The following PPP2R5E variants were observed in gnomAD, a reference collection of about 807,000 sequenced individuals.
The protein encoded by PPP2R5E is protein phosphatase 2 regulatory subunit B'epsilon, also known as serine/threonine-protein phosphatase 2A 56 kDa regulatory subunit epsilon isoform.
A neutral mutation model predicts 65.3 loss-of-function variants in PPP2R5E; 4 were observed. The ratio of observed to expected loss-of-function variants is 0.06; its 90% confidence interval spans 0.03 to 0.14. The LOEUF is 0.14. PPP2R5E is among the 10% of genes least tolerant of loss of function. PPP2R5E has a pLI of 1.00. For synonymous variants in PPP2R5E, 183 were observed against 187.4 expected (o/e 0.98, Z 0.19); for missense variants, 274 against 556.1 (o/e 0.49, Z 5.10).
At chr14:63,519,990 G>A (rs2139721642) in intron 2 of PPP2R5E, among the ~76,000 whole-genome samples, 1 of 150,474 alleles carries the variant, frequency 6.6e-6, no homozygotes, top group Admixed American at 6.7e-5. Context: ...TCAGTCTTGA[G>A]GATTTGGCCC....
chr14:63,393,405 C>G (rs1261032697), intron 8 of PPP2R5E, among the ~76,000 whole-genome samples: 1 of 152,140 alleles, frequency 6.6e-6, no homozygotes, highest in Non-Finnish European at 1.5e-5. Flanking sequence ...AAGTAAGTCT[C>G]TTTCCTTTGG....
intron 2 of PPP2R5E, among the ~76,000 whole-genome samples, chr14:63,525,841 G>T (rs571013497): frequency 6.6e-6 from 1 of 152,244 alleles, no homozygotes; most frequent in East Asian, 1.9e-4. Context: ...CACTAAGAAA[G>T]AAGTTTCTCA....
intron 5 of PPP2R5E, among the ~76,000 whole-genome samples, chr14:63,408,326 A>G (rs188054879): frequency 6.6e-5 from 10 of 151,120 alleles, no homozygotes; most frequent in Admixed American, 5.9e-4. Context: ...TTAAGTTGAT[A>G]GAATACTATC....
Position 63,397,028 on chromosome 14 carries a change from T to G in PPP2R5E, c.550-312A>C, listed in dbSNP as rs75991145. ...GCAATCTACATATTAATCCTCCCAA[T>G]GAGATAGTTTTGTCCCCCTTTTACA... On this transcript the variant is annotated intron_variant, in intron 5 of 13. Transcript: ENST00000337537. Among the ~76,000 whole-genome samples the G allele has an allele frequency of 1.3e-3, 200 of 152,268 alleles. No homozygotes were observed. The East Asian group carries it at 0.03, about 23-fold the overall frequency.
chr14:63,517,464 T>A (rs1594962181), intron 2 of PPP2R5E, among the ~76,000 whole-genome samples: 1 of 140,838 alleles, frequency 7.1e-6, no homozygotes. Flanking sequence ...TTAAGCACTA[T>A]CAAAAACCCC....
Position 63,505,009 on chromosome 14 carries a change from T to C in PPP2R5E, c.157+34520A>G, listed in dbSNP as rs144505824. Among the ~76,000 whole-genome samples the C allele has an allele frequency of 3.2e-3, 494 of 152,314 alleles. 2 individuals carry two copies. Among genetic ancestry groups the C allele is most frequent in the Non-Finnish European group, 4.9e-3 (332 of 68,030 alleles). The stretch of plus-strand genomic sequence containing the variant: ...ATTGGGAAGACAAAGTTTTGAGTTA[T>C]GAAATCTTAGAGCTGAAAGAAATCT... On this transcript the variant is annotated intron_variant, in intron 2 of 13. Coordinates refer to ENST00000337537, the MANE Select transcript of PPP2R5E (RefSeq NM_006246.5).
At position 63,477,142 on chromosome 14, in the gene PPP2R5E, C is replaced by T. The variant is rs28613283; in HGVS notation, c.158-23257G>A. On this transcript the variant is annotated intron_variant, in intron 2 of 13. Transcript: ENST00000337537. ...TAGAGTATCAGCATCTGCATCATTT[C>T]GTAAAAAAAGAAAACCATTCTCATT... 3.9e-3 allele frequency among the ~76,000 whole-genome samples: 589 copies of T among 152,026 alleles called. 1 individual carries two copies. Among genetic ancestry groups the T allele is most frequent in the African/African-American group, 0.013 (530 of 41,498 alleles).
intron 10 of PPP2R5E, among the ~76,000 whole-genome samples, chr14:63,390,956 T>C (rs1301101466): frequency 6.6e-6 from 1 of 152,148 alleles, no homozygotes; most frequent in Non-Finnish European, 1.5e-5. Flanking sequence ...AAGGTACAAA[T>C]GATTGTAGGC....
intron 2 of PPP2R5E, among the ~76,000 whole-genome samples, chr14:63,454,568 T>C (rs1289513395): frequency 1.3e-5 from 2 of 152,240 alleles, no homozygotes; most frequent in Non-Finnish European, 2.9e-5. Flanking sequence ...TATATTAATA[T>C]GTTCCCAGAA....
At chr14:63,458,474 C>T (rs777241363) in intron 2 of PPP2R5E, among the ~76,000 whole-genome samples, 26 of 152,308 alleles carry the variant, frequency 1.7e-4, no homozygotes, top group South Asian at 8.3e-4. Flanking sequence ...GAGTTTGGTA[C>T]TCTGGGACTC....
At chr14:63,540,130 TAAAAAA>T (rs749576391) in intron 1 of PPP2R5E, among the ~76,000 whole-genome samples, 1 of 117,108 alleles carries the variant, frequency 8.5e-6, no homozygotes, top group African/African-American at 3.2e-5. Context: ...TTCCGTCCTT[TAAAAAA>T]AAAAAAAAAA....
chr14:63,395,319 GGA>G, intron 6 of PPP2R5E, 34 bp from the exon 7 acceptor site: 1 of 1,472,386 alleles, frequency 6.8e-7, no homozygotes, highest in Non-Finnish European at 9.5e-7. Flanking sequence ...GGAGAAAGGA[GGA>G]GAGGAGGAGG....
chr14:63,542,546 C>G (rs1893942765), intron 1 of PPP2R5E, among the ~76,000 whole-genome samples: 1 of 152,162 alleles, frequency 6.6e-6, no homozygotes, highest in African/African-American at 2.4e-5. Flanking sequence ...CCTCCAATCC[C>G]AGAAGGTGGA....
Position 63,504,557 on chromosome 14 carries a change from C to CG in PPP2R5E, c.157+34971dup, listed in dbSNP as rs549343587. The stretch of plus-strand genomic sequence containing the variant: ...AGATCTCACCACTGTACTCCAGCCT[C>CG]GGCGACAGAGTGAGACTCCACCTCA... On this transcript the variant is annotated intron_variant, in intron 2 of 13. Coordinates refer to ENST00000337537, the MANE Select transcript of PPP2R5E (RefSeq NM_006246.5). Among the ~76,000 whole-genome samples, 39 of 152,138 alleles carry CG rather than the reference C, an allele frequency of 2.6e-4. No homozygotes were observed. In the South Asian group the frequency reaches 7.5e-3, roughly 29 times the overall value.
chr14:63,425,351 A>G (rs1429298078), intron 3 of PPP2R5E, among the ~76,000 whole-genome samples: 1 of 152,248 alleles, frequency 6.6e-6, no homozygotes, highest in African/African-American at 2.4e-5. Flanking sequence ...TGTAATTGAC[A>G]GGGCAAAGGT....
chr14:63,460,456 G>T (rs374100332), intron 2 of PPP2R5E, among the ~76,000 whole-genome samples: 12 of 152,238 alleles, frequency 7.9e-5, no homozygotes, highest in African/African-American at 2.9e-4. Flanking sequence ...CATTAGAGTT[G>T]TACATATACT....
intron 3 of PPP2R5E, among the ~76,000 whole-genome samples, chr14:63,448,377 A>G (rs1888622673): frequency 6.6e-6 from 1 of 152,268 alleles, no homozygotes; most frequent in African/African-American, 2.4e-5. Flanking sequence ...CAGATATAGT[A>G]ACAATGCAAA....
chr14:63,525,047 G>A (rs1325960533), intron 2 of PPP2R5E, among the ~76,000 whole-genome samples: 1 of 152,214 alleles, frequency 6.6e-6, no homozygotes, highest in Non-Finnish European at 1.5e-5. Context: ...GGCTCTCTCT[G>A]CACGAGTGGG....
chr14:63,389,991 C>T (rs1032126239), intron 10 of PPP2R5E, among the ~76,000 whole-genome samples: 2 of 152,050 alleles, frequency 1.3e-5, no homozygotes, highest in Non-Finnish European at 2.9e-5. Context: ...GACACTCACA[C>T]ACTGCACCGG....
Sources: gnomAD v4.1 joint callset for allele counts (sites outside exome capture counted in the v4.1 genomes callset) on GRCh38, gnomAD v4.1.1 for gene constraint, MANE v1.5 for transcripts, NCBI Gene and HGNC (gene_info 2026-07-23, HGNC 2026-07-21) for gene names.